Variants in SMOC2 observed in about 807,000 individuals in gnomAD.
The protein encoded by SMOC2 is SPARC-related modular calcium-binding protein 2.
A neutral mutation model predicts 61.4 loss-of-function variants in SMOC2; 39 were observed. The observed-to-expected ratio is 0.64, with a 90% CI of 0.49 to 0.83. The LOEUF (loss-of-function observed/expected upper bound fraction) is 0.83, where lower values mean the gene tolerates loss of function less well. Ranked by LOEUF, SMOC2 falls within the 40% of genes least tolerant of loss-of-function variation. The pLI is 0.00. For missense variants in SMOC2, 556 were observed against 592.9 expected, an observed-to-expected ratio of 0.94 and a Z score of 0.65; for synonymous variants, 247 against 239.9, an observed-to-expected ratio of 1.03 and a Z score of -0.27.
chr6:168,646,789 G>A (rs1005506987), intron 9 of SMOC2, among the ~76,000 whole-genome samples: 7 of 152,064 alleles, frequency 4.6e-5, no homozygotes, highest in African/African-American at 1.7e-4. Flanking sequence ...CTTTACTGTG[G>A]GGCAAAACCA....
At chr6:168,662,566 C>A (rs1372217450) in intron 11 of SMOC2, among the ~76,000 whole-genome samples, 1 of 152,232 alleles carries the variant, frequency 6.6e-6, no homozygotes, top group African/African-American at 2.4e-5. Flanking sequence ...CCGCCTCCAG[C>A]ATAGCCCAGA....
At chr6:168,599,351 ACTCACACG>A (rs1785441792) in intron 8 of SMOC2, among the ~76,000 whole-genome samples, 1 of 129,324 alleles carries the variant, frequency 7.7e-6, no homozygotes. Flanking sequence ...ACACACAACC[ACTCACACG>A]CACACAATCA....
At chr6:168,655,551 G>T in intron 11 of SMOC2, 1 of 390,180 alleles carries the variant, frequency 2.6e-6, no homozygotes, top group Non-Finnish European at 5.2e-6. Flanking sequence ...CTGCATGTGT[G>T]TGCTGGATCC....
chr6:168,618,563 G>T (rs1786161952), intron 9 of SMOC2, among the ~76,000 whole-genome samples: 1 of 148,974 alleles, frequency 6.7e-6, no homozygotes. Context: ...TAAAACGAGG[G>T]TCGAGAGGTG....
At chr6:168,523,067 A>G (rs985018761) in intron 2 of SMOC2, among the ~76,000 whole-genome samples, 1 of 132,582 alleles carries the variant, frequency 7.5e-6, no homozygotes, top group East Asian at 2.6e-4. Context: ...TGTTATTTGT[A>G]GTTGTACAGT....
intron 9 of SMOC2, among the ~76,000 whole-genome samples, chr6:168,636,153 T>C (rs7768022): frequency 0.9 from 136,687 of 152,242 alleles, 61,453 homozygotes; most frequent in Middle Eastern, 0.98. Flanking sequence ...GCCGTGAAAG[T>C]TTTCAACCCA....
intron 9 of SMOC2, among the ~76,000 whole-genome samples, chr6:168,620,706 G>A (rs998958030): frequency 2.6e-5 from 4 of 152,154 alleles, no homozygotes; most frequent in Admixed American, 2.0e-4. Flanking sequence ...AGGAGTGAAC[G>A]TGAGAAATCA....
At chr6:168,498,985 T>C (rs1041063883) in intron 1 of SMOC2, among the ~76,000 whole-genome samples, 4 of 144,228 alleles carry the variant, frequency 2.8e-5, no homozygotes, top group Non-Finnish European at 6.0e-5. Flanking sequence ...CCAGGGCCCA[T>C]AGCCTGTCTA....
At chr6:168,492,450 T>C (rs1285441471) in intron 1 of SMOC2, among the ~76,000 whole-genome samples, 2 of 152,206 alleles carry the variant, frequency 1.3e-5, no homozygotes, top group Non-Finnish European at 2.9e-5. Context: ...CGCACAACAA[T>C]GGGTTGATCA....
At chr6:168,550,328 T>C (rs1461499364) in intron 7 of SMOC2, among the ~76,000 whole-genome samples, 1 of 152,194 alleles carries the variant, frequency 6.6e-6, no homozygotes, top group African/African-American at 2.4e-5. Flanking sequence ...CCATATATTC[T>C]TCTGCTTACA....
At chr6:168,465,044 G>T (rs773004301) in intron 1 of SMOC2, among the ~76,000 whole-genome samples, 12 of 152,202 alleles carry the variant, frequency 7.9e-5, no homozygotes, top group Admixed American at 5.9e-4. Flanking sequence ...GCCCCACCTT[G>T]CCCCACACAG....
chr6:168,472,595 T>A (rs1405082518), intron 1 of SMOC2, among the ~76,000 whole-genome samples: 8 of 152,112 alleles, frequency 5.3e-5, no homozygotes, highest in Non-Finnish European at 1.2e-4. Flanking sequence ...AAGGTAACAA[T>A]GTCACATGTT....
At chr6:168,579,301 G>A (rs1784874278) in intron 7 of SMOC2, among the ~76,000 whole-genome samples, 1 of 152,192 alleles carries the variant, frequency 6.6e-6, no homozygotes, top group Non-Finnish European at 1.5e-5. Flanking sequence ...GAAAAGTGAA[G>A]TGTTAAAAAG....
At chr6:168,487,257 AG>A (rs1430179306) in intron 1 of SMOC2, among the ~76,000 whole-genome samples, 1 of 152,164 alleles carries the variant, frequency 6.6e-6, no homozygotes, top group Non-Finnish European at 1.5e-5. Context: ...GGATGGGGAA[AG>A]CTCCAACTTA....
rs531260273 is a variant in SMOC2, at chr6:168,493,042, AT to A, written c.85-16861del. On this transcript the variant is annotated intron_variant, in intron 1 of 12. Coordinates refer to ENST00000356284, the MANE Select transcript of SMOC2 (RefSeq NM_001166412.2). The stretch of plus-strand genomic sequence containing the variant: ...GAATGTTTAGATATGCTCAAAAGTG[AT>A]TTTTTTTTTTTGAGACAGAGTCTTA... 9.6e-4 allele frequency among the ~76,000 whole-genome samples: 141 copies of A among 147,132 alleles called. 1 individual carries two copies. The highest frequency in any genetic ancestry group is 2.8e-3 in the East Asian group (14 of 5,068).
In SMOC2 at chr6:168,453,151, C is replaced by T. The variant is rs923605650; in HGVS notation, c.84+11697C>T. 1.3e-5 allele frequency among the ~76,000 whole-genome samples: 2 copies of T among 150,448 alleles called. No individual in the cohort carries two copies. The highest frequency in any genetic ancestry group is 3.0e-5 in the Non-Finnish European group (2 of 67,700). Reference sequence around the variant, plus strand: ...GGCAGTGTGGCTTGAATCTGCTGTCCGACGCAGGCAGGTGCAGGCTGTTCT... The same window carrying T: ...GGCAGTGTGGCTTGAATCTGCTGTCTGACGCAGGCAGGTGCAGGCTGTTCT... On this transcript the variant is annotated intron_variant, in intron 1 of 12. Transcript: ENST00000356284. The surrounding 1 kb of genome is among the most constrained non-coding windows in gnomAD (Gnocchi z 4.4).
intron 1 of SMOC2, among the ~76,000 whole-genome samples, chr6:168,476,446 G>A (rs577341615): frequency 6.6e-5 from 10 of 151,422 alleles, no homozygotes; most frequent in African/African-American, 2.2e-4. Flanking sequence ...GCAGTACTGA[G>A]CAGTTGGCAA....
intron 9 of SMOC2, among the ~76,000 whole-genome samples, chr6:168,637,722 T>C (rs1399397004): frequency 6.6e-6 from 1 of 152,162 alleles, no homozygotes; most frequent in Non-Finnish European, 1.5e-5. Flanking sequence ...TTACCTCCAT[T>C]TAAAAACTGC....
chr6:168,537,295 G>C (rs1332712578), intron 4 of SMOC2, among the ~76,000 whole-genome samples: 2 of 152,256 alleles, frequency 1.3e-5, no homozygotes, highest in Middle Eastern at 6.8e-3. Flanking sequence ...GCTGAAAGCC[G>C]GTCCTATTTA....
Sources: allele counts gnomAD v4.1 joint callset (sites outside exome capture counted in the v4.1 genomes callset), GRCh38; gene constraint gnomAD v4.1.1; non-coding constraint Gnocchi (gnomAD v3.1); transcripts MANE v1.5; gene names NCBI Gene and HGNC (gene_info 2026-07-23, HGNC 2026-07-21).